The following TMED10 variants were observed in gnomAD, a reference collection of about 807,000 sequenced individuals.
TMED10 encodes the protein transmembrane p24 trafficking protein 10, also known as transmembrane emp24 domain-containing protein 10.
A neutral mutation model predicts 23.1 loss-of-function variants in TMED10; 7 were observed. That is an observed-to-expected ratio of 0.30 (90% confidence interval 0.17 to 0.57). The LOEUF (loss-of-function observed/expected upper bound fraction) is 0.57, where lower values mean the gene tolerates loss of function less well. Among genes scored for constraint, TMED10 ranks in the 20% least tolerant of loss-of-function variants. The probability of loss-of-function intolerance (pLI) is 0.91; values close to 1 mark genes in which losing one functional copy is unlikely to be tolerated. For missense variants in TMED10, 162 were observed against 274.8 expected, an observed-to-expected ratio of 0.59 and a Z score of 2.90; for synonymous variants, 113 against 106.9, an observed-to-expected ratio of 1.06 and a Z score of -0.35.
intron 3 of TMED10, among the ~76,000 whole-genome samples, chr14:75,141,106 T>C (rs1895816901): frequency 6.6e-6 from 1 of 152,160 alleles, no homozygotes; most frequent in Non-Finnish European, 1.5e-5. Flanking sequence ...AACCATAATA[T>C]ATGGCTTTAT....
At chr14:75,147,291 C>G (rs1337069002) in intron 3 of TMED10, among the ~76,000 whole-genome samples, 1 of 150,738 alleles carries the variant, frequency 6.6e-6, no homozygotes, top group Non-Finnish European at 1.5e-5. Context: ...CAGGTTCCAG[C>G]AATTCTCCTG....
chr14:75,146,720 T>C (rs1895886761), intron 3 of TMED10, among the ~76,000 whole-genome samples: 2 of 152,176 alleles, frequency 1.3e-5, no homozygotes, highest in South Asian at 2.1e-4. Context: ...TATTAGTCTA[T>C]AATAAATAAC....
intron 1 of TMED10, among the ~76,000 whole-genome samples, chr14:75,167,655 C>CTATAA (rs1418229339): frequency 6.6e-6 from 1 of 152,130 alleles, no homozygotes; most frequent in Non-Finnish European, 1.5e-5. Context: ...GCTTTCTTAT[C>CTATAA]TATAAGCTAG....
rs1462975940 is a variant in TMED10, at chr14:75,134,909, G to C, written c.636C>G (p.Phe212Leu). The change falls in exon 5 of 5, where the codon TTC (phenylalanine) becomes TTG (leucine). Residue 212 changes from phenylalanine (F) to leucine (L), a missense_variant. Around this residue, in one of 2 missense-constraint regions of TMED10, gnomAD observed 126 missense variants for 239.5 expected, o/e 0.53. Transcript: ENST00000303575. ...ATTACTCAATCAATTTCTTGGCCTT[G>C]AAGAAGCGTCGCAGGTAGAAGACCT... Reference protein sequence around the residue: ...TWQVFYLRRFFKAKKLIE With the variant: ...TWQVFYLRRFLKAKKLIE The C allele has an allele frequency of 6.2e-7, 1 of 1,613,960 alleles. No homozygotes were observed. Among genetic ancestry groups the C allele is most frequent in the East Asian group, 2.2e-5 (1 of 44,892 alleles).
At chr14:75,141,733 G>T (rs1322606740) in intron 3 of TMED10, among the ~76,000 whole-genome samples, 1 of 152,164 alleles carries the variant, frequency 6.6e-6, no homozygotes, top group Non-Finnish European at 1.5e-5. Context: ...AGTATACTAA[G>T]TTTTTCCTGA....
chr14:75,151,032 A>G (rs958393673), intron 2 of TMED10, among the ~76,000 whole-genome samples: 1 of 151,884 alleles, frequency 6.6e-6, no homozygotes, highest in African/African-American at 2.4e-5. Flanking sequence ...CCTCCCGAGT[A>G]GCTGGGATTA....
chr14:75,149,585 G>A (rs1895930909), intron 2 of TMED10, among the ~76,000 whole-genome samples: 1 of 152,174 alleles, frequency 6.6e-6, no homozygotes, highest in African/African-American at 2.4e-5. Flanking sequence ...AAACAACTAT[G>A]GTGAAAATGC....
chr14:75,173,928 A>G (rs937079726), intron 1 of TMED10, among the ~76,000 whole-genome samples: 4 of 152,122 alleles, frequency 2.6e-5, no homozygotes, highest in African/African-American at 9.7e-5. Flanking sequence ...ACTGGATTTT[A>G]GCATGTTGCT....
intron 1 of TMED10, among the ~76,000 whole-genome samples, chr14:75,169,514 C>T (rs1006153135): frequency 1.3e-5 from 2 of 152,058 alleles, no homozygotes; most frequent in Non-Finnish European, 2.9e-5. Context: ...AAAAATTAGC[C>T]GGGAGTAGTG....
Position 75,133,503 on chromosome 14 carries a change from G to A in TMED10, c.*1382C>T, listed in dbSNP as rs1196787703. On this transcript the variant is annotated 3_prime_UTR_variant, in exon 5 of 5. Transcript: ENST00000303575. ...AGTAGTAATACCAAATGCTGGTGAG[G>A]ATGTGAAGAAACTGGATCAATCATA... 6.6e-6 allele frequency: 1 copy of A among 152,298 alleles called. No individual in the cohort carries two copies. Among genetic ancestry groups the A allele is most frequent in the Non-Finnish European group, 1.5e-5 (1 of 68,092 alleles). The allele number at this position is 152,298 out of a possible 1,614,324, so 9.4% of individuals were successfully genotyped here. A position where few individuals can be genotyped will look rare whatever the true frequency, so the allele number is the denominator to read the frequency against.
intron 3 of TMED10, among the ~76,000 whole-genome samples, chr14:75,138,621 T>C (rs1457108893): frequency 2.0e-5 from 3 of 152,136 alleles, no homozygotes; most frequent in African/African-American, 4.8e-5. Context: ...ACTTCCCCAC[T>C]CAGAGCTTCC....
At chr14:75,161,793 T>C (rs1384856713) in intron 1 of TMED10, among the ~76,000 whole-genome samples, 1 of 151,728 alleles carries the variant, frequency 6.6e-6, no homozygotes, top group Non-Finnish European at 1.5e-5. Context: ...GGGACTACTT[T>C]TGGCCACTTG....
chr14:75,135,927 G>A (rs746757559), intron 3 of TMED10, 41 bp from the exon 4 acceptor site: 42 of 1,606,256 alleles, frequency 2.6e-5, no homozygotes, highest in South Asian at 2.0e-4. Context: ...TGAAAACATC[G>A]CTTCAGTCAA....
intron 3 of TMED10, among the ~76,000 whole-genome samples, chr14:75,147,307 G>C (rs1408798656): frequency 6.7e-6 from 1 of 150,348 alleles, no homozygotes; most frequent in Non-Finnish European, 1.5e-5. Context: ...TCCTGCCTCA[G>C]CCTCCCGAGT....
intron 3 of TMED10, among the ~76,000 whole-genome samples, chr14:75,147,078 C>G (rs573742016): frequency 6.6e-6 from 1 of 152,042 alleles, no homozygotes; most frequent in Admixed American, 6.5e-5. Flanking sequence ...ACACACAGTT[C>G]AAGAGAACTA....
chr14:75,164,573 A>ATTT (rs1896135580), intron 1 of TMED10, among the ~76,000 whole-genome samples: 4 of 3,306 alleles, frequency 1.2e-3, no homozygotes, highest in Non-Finnish European at 2.4e-3. Flanking sequence ...ATATATATAT[A>ATTT]TATATTTTTT....
At chr14:75,165,318 C>T (rs977466120) in intron 1 of TMED10, among the ~76,000 whole-genome samples, 4 of 152,154 alleles carry the variant, frequency 2.6e-5, no homozygotes, top group African/African-American at 9.7e-5. Flanking sequence ...ACCTCCACCT[C>T]CCAGGTTCAA....
chr14:75,160,832 G>T (rs1249890594), intron 1 of TMED10, among the ~76,000 whole-genome samples: 1 of 152,140 alleles, frequency 6.6e-6, no homozygotes, highest in Non-Finnish European at 1.5e-5. Context: ...GTCATTTGAG[G>T]TCAGGAGTTT....
At chr14:75,150,493 CGAG>C in intron 2 of TMED10, among the ~76,000 whole-genome samples, 1 of 152,238 alleles carries the variant, frequency 6.6e-6, no homozygotes, top group East Asian at 1.9e-4. Context: ...ACAGTTCAGT[CGAG>C]GACAGACTGC....
Sources: gnomAD v4.1 joint callset for allele counts (sites outside exome capture counted in the v4.1 genomes callset) on GRCh38, gnomAD v4.1.1 for gene constraint, gnomAD v4.1.1 regional missense constraint, MANE v1.5 for transcripts, NCBI Gene and HGNC (gene_info 2026-07-23, HGNC 2026-07-21) for gene names.